SP140: variants seen among roughly 807,000 people sequenced by gnomAD.
SP140 encodes the protein SP140 nuclear body protein.
Under a neutral mutation model 125.0 loss-of-function variants are expected in SP140, and 81 were observed. The ratio of observed to expected loss-of-function variants is 0.65; its 90% CI spans 0.54 to 0.78. SP140 has a LOEUF of 0.78. SP140 is among the 30% of genes least tolerant of loss of function. The pLI is 0.00. For synonymous variants in SP140, 312 were observed against 354.0 expected, an observed-to-expected ratio of 0.88 and a Z score of 1.33; for missense variants, 858 against 1,037.0, an observed-to-expected ratio of 0.83 and a Z score of 2.37.
chr2:230,307,824 A>G (rs113524366), intron 22 of SP140, among the ~76,000 whole-genome samples: 26,820 of 151,676 alleles, frequency 0.18, 2,633 homozygotes, highest in South Asian at 0.24. Context: ...CCTGAGCAAA[A>G]CTCAGGCAAA....
chr2:230,195,036 T>C, the SP140 span, among the ~76,000 whole-genome samples: 1 of 151,996 alleles, frequency 6.6e-6, no homozygotes, highest in Non-Finnish European at 1.5e-5. Context: ...TTCACTTTTC[T>C]TCCTTATGTC....
rs568267484 is a variant in SP140 at position 230,245,039 on chromosome 2, G to A, written c.623G>A (p.Gly208Glu). ...TTAGCTCTCCCAAAGGCTGGTGGAG[G>A]AGATGCTGAAGATGCACCCAGCCTA... ...EQLALPKAGG[G>E]DAEDAPSLLP... The change falls in exon 6 of 27, where the codon GGA becomes GAA. Residue 208 changes from glycine to glutamate, a missense_variant. Coordinates refer to ENST00000392045, the MANE Select transcript of SP140 (RefSeq NM_007237.5). 3.1e-6 allele frequency: 5 copies of A among 1,613,186 alleles called. No homozygotes were observed. The highest frequency in any genetic ancestry group is 4.2e-6 in the Non-Finnish European group (5 of 1,179,456).
At chr2:230,213,707 G>C (rs1373702838) in exon 2 of SP140, 2 of 152,550 alleles carry the variant, frequency 1.3e-5, no homozygotes, top group African/African-American at 2.4e-5. Context: ...TCAAATTTTG[G>C]AAAGGGATTC....
At chr2:230,283,887 A>G (rs982308617) in intron 15 of SP140, among the ~76,000 whole-genome samples, 9 of 152,200 alleles carry the variant, frequency 5.9e-5, no homozygotes, top group South Asian at 4.1e-4. Flanking sequence ...TAGAAATTCT[A>G]TAATGATTAT....
At chr2:230,298,286 G>A (rs1051817394) in intron 22 of SP140, among the ~76,000 whole-genome samples, 1 of 152,094 alleles carries the variant, frequency 6.6e-6, no homozygotes, top group Non-Finnish European at 1.5e-5. Context: ...TTTAGGCCGG[G>A]TCACCTTCTT....
intron 15 of SP140, among the ~76,000 whole-genome samples, chr2:230,283,633 A>G (rs187621610): frequency 5.2e-4 from 79 of 152,286 alleles, no homozygotes; most frequent in African/African-American, 1.8e-3. Context: ...GCTCCCTTCA[A>G]TGAGCCTACT....
At chr2:230,228,450 C>T (rs2046772286) in intron 1 of SP140, among the ~76,000 whole-genome samples, 1 of 152,180 alleles carries the variant, frequency 6.6e-6, no homozygotes, top group African/African-American at 2.4e-5. Flanking sequence ...ACTGATTTTT[C>T]TGCCTGTGTG....
chr2:230,315,000 G>A (rs1485758364), downstream of SP140, among the ~76,000 whole-genome samples: 1 of 152,260 alleles, frequency 6.6e-6, no homozygotes, highest in African/African-American at 2.4e-5. Flanking sequence ...TAGAGTGACA[G>A]CTGGAAGGCC....
chr2:230,270,518 A>G, intron 14 of SP140, 68 bp from the exon 15 acceptor site: 2 of 1,440,218 alleles, frequency 1.4e-6, no homozygotes, highest in Non-Finnish European at 1.9e-6. Context: ...TGTAGTATAC[A>G]TTGTCCTAAA....
At chr2:230,253,241 T>C in intron 10 of SP140, 75 bp from the exon 11 acceptor site, 1 of 1,032,614 alleles carries the variant, frequency 9.7e-7, no homozygotes, top group Middle Eastern at 2.8e-4. Flanking sequence ...CAGGGGTGGC[T>C]CTTAGCATTT....
intron 12 of SP140, among the ~76,000 whole-genome samples, chr2:230,267,597 T>G (rs2053318187): frequency 6.6e-6 from 1 of 152,132 alleles, no homozygotes; most frequent in African/African-American, 2.4e-5. Context: ...TAGGGAAAAT[T>G]TTGCCAGTTA....
chr2:230,314,994 G>A (rs2059474744), downstream of SP140, among the ~76,000 whole-genome samples: 1 of 152,262 alleles, frequency 6.6e-6, no homozygotes, highest in Admixed American at 6.5e-5. Flanking sequence ...GAATGTTAGA[G>A]TGACAGCTGG....
chr2:230,207,494 A>G (rs2043999336), intron 1 of SP140, among the ~76,000 whole-genome samples: 1 of 152,210 alleles, frequency 6.6e-6, no homozygotes, highest in Non-Finnish European at 1.5e-5. Context: ...ACACAGCTGC[A>G]TAGATGGCTA....
At chr2:230,289,495 C>G (rs1188378057) in intron 18 of SP140, among the ~76,000 whole-genome samples, 1 of 152,232 alleles carries the variant, frequency 6.6e-6, no homozygotes, top group African/African-American at 2.4e-5. Context: ...AAGGACAGCT[C>G]CCCCGTTTAT....
chr2:230,291,651 T>C (rs887194965), intron 19 of SP140, among the ~76,000 whole-genome samples: 5 of 152,280 alleles, frequency 3.3e-5, no homozygotes, highest in Admixed American at 2.0e-4. Flanking sequence ...TACCACACTT[T>C]GTTTATAAAC....
chr2:230,217,788 C>T (rs377649070), intron 3 of SP140, among the ~76,000 whole-genome samples: 79 of 152,326 alleles, frequency 5.2e-4, no homozygotes, highest in African/African-American at 1.7e-3. Context: ...ACCTGGGCTA[C>T]GGCTGAAGCC....
intron 3 of SP140, chr2:230,214,881 T>C: frequency 7.5e-7 from 1 of 1,332,960 alleles, no homozygotes; most frequent in Non-Finnish European, 1.1e-6. Flanking sequence ...TCCACAGGGC[T>C]AGAAGTAAAC....
At chr2:230,244,375 A>G (rs2049120372) in intron 5 of SP140, among the ~76,000 whole-genome samples, 1 of 152,200 alleles carries the variant, frequency 6.6e-6, no homozygotes, top group Admixed American at 6.5e-5. Context: ...CAAATTAGTC[A>G]AGCAAGAACA....
At chr2:230,199,205 C>CTTTTTT (rs35807015), upstream of SP140, among the ~76,000 whole-genome samples, 1 of 89,448 alleles carries the variant, frequency 1.1e-5, no homozygotes, top group Non-Finnish European at 2.1e-5. Flanking sequence ...ACATAATCCT[C>CTTTTTT]TTTTTTTTTT....
Sources: allele counts gnomAD v4.1 joint callset (sites outside exome capture counted in the v4.1 genomes callset), GRCh38; gene constraint gnomAD v4.1.1; transcripts MANE v1.5; gene names NCBI Gene and HGNC (gene_info 2026-07-23, HGNC 2026-07-21).